PITPNA: variants seen among roughly 807,000 people sequenced by gnomAD.
The protein encoded by PITPNA is phosphatidylinositol transfer protein alpha, also known as phosphatidylinositol transfer protein alpha isoform.
Under a neutral mutation model 50.3 loss-of-function variants are expected in PITPNA, and 13 were observed. The ratio of observed to expected loss-of-function variants is 0.26; its 90% confidence interval spans 0.17 to 0.41. The LOEUF is 0.41. PITPNA is among the 10% of genes least tolerant of loss of function. The pLI is 1.00. For synonymous variants in PITPNA, 120 were observed against 119.6 expected (o/e 1.00, Z -0.02); for missense variants, 207 against 333.4 (o/e 0.62, Z 2.95).
At chr17:1,552,216 T>C (rs2075713302) in intron 3 of PITPNA, among the ~76,000 whole-genome samples, 1 of 152,212 alleles carries the variant, frequency 6.6e-6, no homozygotes, top group African/African-American at 2.4e-5. Flanking sequence ...TACTTAAAAA[T>C]GGTTAAAATG....
intron 10 of PITPNA, among the ~76,000 whole-genome samples, chr17:1,532,169 C>G (rs1206256296): frequency 1.3e-5 from 2 of 152,268 alleles, no homozygotes; most frequent in East Asian, 3.9e-4. Context: ...CTCACTGCAA[C>G]CTCTGCCTCC....
chr17:1,548,402 A>C lies in PITPNA; in HGVS notation c.198-15T>G. The C allele has an allele frequency of 1.3e-6, 2 of 1,558,938 alleles. No individual in the cohort carries two copies. Among genetic ancestry groups the C allele is most frequent in the East Asian group, 4.6e-5 (2 of 43,582 alleles). On this transcript the variant is annotated splice_polypyrimidine_tract_variant and intron_variant, in intron 3 of 11. Coordinates refer to ENST00000313486, the MANE Select transcript of PITPNA (RefSeq NM_006224.4). ...TGGGTACTTTGCTATAGCGGGGAAA[A>C]AAAGGGGTATAAAGAGAAATGGTAG...
chr17:1,529,957 G>GGTACTT (rs2075571784), intron 10 of PITPNA, among the ~76,000 whole-genome samples: 1 of 152,132 alleles, frequency 6.6e-6, no homozygotes, highest in Non-Finnish European at 1.5e-5. Flanking sequence ...AAGGCCAAGA[G>GGTACTT]GTACTTGTTC....
At chr17:1,552,117 T>C (rs1486315704) in intron 3 of PITPNA, among the ~76,000 whole-genome samples, 1 of 152,254 alleles carries the variant, frequency 6.6e-6, no homozygotes, top group East Asian at 1.9e-4. Context: ...GAAAGTCAAT[T>C]GATTTCAGTT....
intron 1 of PITPNA, 43 bp from the exon 2 acceptor site, chr17:1,558,602 A>G (rs1457803558): frequency 9.8e-6 from 14 of 1,431,778 alleles, no homozygotes; most frequent in East Asian, 4.6e-5. Context: ...AGGCTGTGCA[A>G]TCTGCTCAAG....
chr17:1,547,876 C>A (rs1171249361), intron 4 of PITPNA, among the ~76,000 whole-genome samples: 1 of 151,970 alleles, frequency 6.6e-6, no homozygotes, highest in Non-Finnish European at 1.5e-5. Context: ...CGCCTGTAGT[C>A]CCAGCTACTC....
intron 5 of PITPNA, among the ~76,000 whole-genome samples, chr17:1,542,130 G>A (rs1293078019): frequency 2.0e-5 from 3 of 151,878 alleles, no homozygotes; most frequent in African/African-American, 7.3e-5. Context: ...AACCCAGGAG[G>A]CAGAAGCTGC....
intron 2 of PITPNA, among the ~76,000 whole-genome samples, chr17:1,557,900 C>T (rs1473083959): frequency 1.3e-5 from 2 of 152,188 alleles, no homozygotes; most frequent in Non-Finnish European, 2.9e-5. Context: ...AGCCGAGTCA[C>T]GGACGTCCCA....
In PITPNA at chr17:1,553,039, T is replaced by C. The variant is rs1014834019; in HGVS notation, c.162A>G (p.Lys54=). 1 of 1,613,846 alleles carries C rather than the reference T, an allele frequency of 6.2e-7. No homozygotes were observed. The highest frequency in any genetic ancestry group is 1.3e-5 in the African/African-American group (1 of 74,934). The part of the protein sequence containing the change: ...VNEPYEKDGE[K]GQYTHKIYHL... ...GGTAGATCTTGTGTGTGTACTGGCCTTTCTCACCGTCCTTCTCGTAGGGCT... is the reference window on the plus strand; with the variant it reads ...GGTAGATCTTGTGTGTGTACTGGCCCTTCTCACCGTCCTTCTCGTAGGGCT... Residue 54 remains lysine (K), a synonymous_variant, in exon 3 of 12, where the codon AAA becomes AAG. Coordinates refer to ENST00000313486, the MANE Select transcript of PITPNA (RefSeq NM_006224.4).
rs776427993 is a variant in PITPNA at position 1,535,225 on chromosome 17, T to C, written c.602A>G (p.Lys201Arg). The change falls in exon 9 of 12, where the codon AAG (lysine) becomes AGG (arginine). Residue 201 changes from lysine to arginine, a missense_variant. Lys to Arg is a conservative substitution (Grantham distance 26, BLOSUM62 2). Transcript: ENST00000313486. Reference protein sequence around the residue: ...CAYKLVTVKFKWWGLQNKVEN... With the variant: ...CAYKLVTVKFRWWGLQNKVEN... ...CACTTTGTTCTGCAGGCCCCACCAC[T>C]TGAACTTGACGGTCACCAGTTTGTA... 6.2e-7 allele frequency: 1 copy of C among 1,613,936 alleles called. No individual in the cohort carries two copies. Among genetic ancestry groups the C allele is most frequent in the Admixed American group, 1.7e-5 (1 of 60,024 alleles).
At chr17:1,556,263 C>A (rs17821288) in intron 2 of PITPNA, among the ~76,000 whole-genome samples, 1 of 152,154 alleles carries the variant, frequency 6.6e-6, no homozygotes, top group African/African-American at 2.4e-5. Context: ...TTGCTGAGAA[C>A]GGGCTGACCA....
At chr17:1,539,657 T>G (rs1313362223) in intron 6 of PITPNA, among the ~76,000 whole-genome samples, 1 of 152,102 alleles carries the variant, frequency 6.6e-6, no homozygotes, top group Non-Finnish European at 1.5e-5. Flanking sequence ...CTCAGCCTCC[T>G]GAGGAGCTGG....
chr17:1,520,922 G>C (rs1257683235), intron 11 of PITPNA, among the ~76,000 whole-genome samples: 2 of 152,166 alleles, frequency 1.3e-5, no homozygotes, highest in African/African-American at 4.8e-5. Context: ...ACTGCTTTGA[G>C]CTGCTGGAAT....
chr17:1,531,852 AAAAAAT>A (rs1463046128), intron 10 of PITPNA, among the ~76,000 whole-genome samples: 1 of 152,160 alleles, frequency 6.6e-6, no homozygotes, highest in Non-Finnish European at 1.5e-5. Flanking sequence ...TAGATAGACA[AAAAAAT>A]AAAAAGGCAA....
intron 4 of PITPNA, among the ~76,000 whole-genome samples, chr17:1,545,218 C>G (rs1474989156): frequency 2.0e-5 from 3 of 152,178 alleles, no homozygotes; most frequent in African/African-American, 7.2e-5. Context: ...CTAAGAACAG[C>G]AAGAGCTGAT....
chr17:1,555,478 G>A (rs2075730674), intron 2 of PITPNA, among the ~76,000 whole-genome samples: 1 of 152,160 alleles, frequency 6.6e-6, no homozygotes, highest in Admixed American at 6.5e-5. Flanking sequence ...GAGTGGGAGG[G>A]TCAGATCATT....
In PITPNA at chr17:1,543,094, C is replaced by G. The variant is rs898100761; in HGVS notation, c.290-67G>C. Reference sequence around the variant, plus strand: ...TAATGAAGATGAAGAAATATCTGCCCCCCACCCCCCACAAGGAGGACGAAT... The same window carrying G: ...TAATGAAGATGAAGAAATATCTGCCGCCCACCCCCCACAAGGAGGACGAAT... On this transcript the variant is annotated intron_variant, in intron 4 of 11. Transcript: ENST00000313486. 8.8e-6 allele frequency: 11 copies of G among 1,255,282 alleles called. No individual in the cohort carries two copies. In the African/African-American group the frequency reaches 1.3e-4, roughly 15 times the overall value. The allele number at this position is 1,255,282 out of a possible 1,614,324, so 77.8% of individuals were successfully genotyped here. A position where few individuals can be genotyped will look rare whatever the true frequency, so the allele number is the denominator to read the frequency against.
chr17:1,543,093 C>T, intron 4 of PITPNA, 66 bp from the exon 5 acceptor site: 1 of 1,254,692 alleles, frequency 8.0e-7, no homozygotes, highest in Non-Finnish European at 1.1e-6. Flanking sequence ...AAATATCTGC[C>T]CCCCACCCCC....
At chr17:1,523,349 AT>A (rs59648575) in intron 10 of PITPNA, among the ~76,000 whole-genome samples, 6,735 of 152,086 alleles carry the variant, frequency 0.044, 511 homozygotes, top group African/African-American at 0.15. Flanking sequence ...CCTAGACTGT[AT>A]TGTTTTGTTT....
Sources: gnomAD v4.1 joint callset for allele counts (sites outside exome capture counted in the v4.1 genomes callset) on GRCh38, gnomAD v4.1.1 for gene constraint, MANE v1.5 for transcripts, NCBI Gene and HGNC (gene_info 2026-07-23, HGNC 2026-07-21) for gene names.